JCAD: variants seen among roughly 807,000 people sequenced by gnomAD.
JCAD encodes junctional cadherin 5-associated protein.
In JCAD, 40 loss-of-function variants were observed where a neutral mutation model predicts 98.0. The ratio of observed to expected loss-of-function variants is 0.41; its 90% CI spans 0.32 to 0.53. The LOEUF (loss-of-function observed/expected upper bound fraction) is 0.53, where lower values mean the gene tolerates loss of function less well. Ranked by LOEUF, JCAD falls within the 20% of genes least tolerant of loss-of-function variation. The pLI, the probability that JCAD is intolerant of heterozygous loss-of-function variation, is 0.31. For synonymous variants in JCAD, 691 were observed against 682.3 expected (o/e 1.01, Z -0.20); for missense variants, 1,705 against 1,738.1 (o/e 0.98, Z 0.34).
At chr10:30,097,441 A>G (rs1838389439) in intron 1 of JCAD, among the ~76,000 whole-genome samples, 1 of 152,148 alleles carries the variant, frequency 6.6e-6, no homozygotes, top group Non-Finnish European at 1.5e-5. Flanking sequence ...AGCATATCAG[A>G]TGCATCCAAT....
At chr10:30,039,610 CG>C (rs1837201199) in intron 2 of JCAD, among the ~76,000 whole-genome samples, 1 of 152,212 alleles carries the variant, frequency 6.6e-6, no homozygotes, top group Non-Finnish European at 1.5e-5. Context: ...CTTGGGGAGC[CG>C]GATGAACCTG....
chr10:30,028,101 C>T lies in JCAD; in HGVS notation c.2047G>A (p.Gly683Arg), dbSNP rs1290561085. ...RELKHSGSWP[G>R]HRYRDQQTQT... ...GTTTGCTGATCTCTGTACCGGTGCC[C>T]TGGCCAAGAGCCAGAATGCTTGAGT... is the stretch of plus-strand genomic sequence containing the variant. Residue 683 changes from glycine (G) to arginine (R), a missense_variant, in exon 3 of 4, where the codon GGG becomes AGG. Gly to Arg is a moderately radical substitution (Grantham distance 125). Transcript: ENST00000375377. 1.2e-6 allele frequency: 2 copies of T among 1,614,260 alleles called. No homozygotes were observed. Among genetic ancestry groups the T allele is most frequent in the South Asian group, 1.1e-5 (1 of 91,086 alleles).
intron 1 of JCAD, among the ~76,000 whole-genome samples, chr10:30,096,977 G>A (rs1055940794): frequency 7.2e-5 from 11 of 152,178 alleles, no homozygotes; most frequent in African/African-American, 2.4e-4. Flanking sequence ...AAGCTTAGCA[G>A]AATAAGAAAG....
chr10:30,106,205 T>G (rs1838577264), intron 1 of JCAD, among the ~76,000 whole-genome samples: 1 of 152,114 alleles, frequency 6.6e-6, no homozygotes, highest in Admixed American at 6.5e-5. Context: ...GGAGGATCAC[T>G]TGATGCCGGG....
At chr10:30,103,733 C>CT (rs3858238) in intron 1 of JCAD, among the ~76,000 whole-genome samples, 34,940 of 126,664 alleles carry the variant, frequency 0.28, 5,136 homozygotes, top group East Asian at 0.33. Context: ...GTCAATTTTT[C>CT]TTTTTTTTTT....
intron 3 of JCAD, among the ~76,000 whole-genome samples, chr10:30,018,611 C>T (rs995868968): frequency 1.3e-5 from 2 of 152,168 alleles, no homozygotes; most frequent in Non-Finnish European, 2.9e-5. Context: ...ATTTCTAAAA[C>T]GGGACACCAT....
intron 1 of JCAD, among the ~76,000 whole-genome samples, chr10:30,079,902 G>A (rs1838051069): frequency 6.6e-6 from 1 of 152,180 alleles, no homozygotes; most frequent in African/African-American, 2.4e-5. Flanking sequence ...TTTTACAATT[G>A]TTCCTAATCA....
intron 1 of JCAD, among the ~76,000 whole-genome samples, chr10:30,057,183 A>G (rs1178707257): frequency 2.6e-5 from 4 of 152,216 alleles, no homozygotes; most frequent in Non-Finnish European, 5.9e-5. Context: ...ATTAATTAGC[A>G]TGGAGTTTCG....
intron 1 of JCAD, among the ~76,000 whole-genome samples, chr10:30,108,120 C>T (rs979352387): frequency 3.3e-5 from 5 of 152,030 alleles, no homozygotes; most frequent in Non-Finnish European, 7.4e-5. Context: ...TGAGACCCGC[C>T]TGGCCAACAT....
chr10:30,082,875 A>AC, intron 1 of JCAD, among the ~76,000 whole-genome samples: 1 of 146,088 alleles, frequency 6.8e-6, no homozygotes. Context: ...AAAAAAAAAA[A>AC]AACAAAAAAT....
At chr10:30,099,406 T>A (rs1206342814) in intron 1 of JCAD, among the ~76,000 whole-genome samples, 1 of 152,166 alleles carries the variant, frequency 6.6e-6, no homozygotes, top group Admixed American at 6.6e-5. Flanking sequence ...GAGTTTCTTA[T>A]CTAGTTAAAT....
chr10:30,019,121 C>T (rs961540716), intron 3 of JCAD, among the ~76,000 whole-genome samples: 1 of 151,806 alleles, frequency 6.6e-6, no homozygotes, highest in Non-Finnish European at 1.5e-5. Context: ...TTTGGGAGGC[C>T]GAGGCAGGTG....
chr10:30,062,088 G>A (rs1307841224), upstream of JCAD, among the ~76,000 whole-genome samples: 1 of 152,208 alleles, frequency 6.6e-6, no homozygotes, highest in Admixed American at 6.5e-5. Context: ...GAGTAGGGTT[G>A]CAGTAAATCA....
intron 1 of JCAD, among the ~76,000 whole-genome samples, chr10:30,104,440 C>T (rs1272417433): frequency 7.9e-5 from 12 of 152,254 alleles, no homozygotes; most frequent in African/African-American, 2.4e-4. Flanking sequence ...ATGGATGCAG[C>T]GGAAGGTCAT....
intron 2 of JCAD, among the ~76,000 whole-genome samples, chr10:30,040,701 A>AG (rs768311759): frequency 5.3e-5 from 8 of 152,130 alleles, no homozygotes; most frequent in Non-Finnish European, 8.8e-5. Flanking sequence ...ATGACACCCT[A>AG]GGGAGGCCGC....
intron 3 of JCAD, among the ~76,000 whole-genome samples, chr10:30,023,540 C>T (rs963634406): frequency 6.6e-6 from 1 of 152,150 alleles, no homozygotes; most frequent in Non-Finnish European, 1.5e-5. Flanking sequence ...AATGACAAAA[C>T]TGCTAATGAT....
chr10:30,060,975 T>C (rs986116446), upstream of JCAD, among the ~76,000 whole-genome samples: 3 of 152,168 alleles, frequency 2.0e-5, no homozygotes, highest in African/African-American at 7.2e-5. Context: ...AACAATGTAA[T>C]TGAATGTTGT....
intron 1 of JCAD, among the ~76,000 whole-genome samples, chr10:30,077,677 TA>T (rs1463099280): frequency 6.6e-6 from 1 of 152,212 alleles, no homozygotes; most frequent in Non-Finnish European, 1.5e-5. Flanking sequence ...TATCATATAA[TA>T]TTTCTCATTT....
intron 1 of JCAD, among the ~76,000 whole-genome samples, chr10:30,108,542 A>T (rs541409905): frequency 6.6e-6 from 1 of 151,624 alleles, no homozygotes; most frequent in Non-Finnish European, 1.5e-5. Flanking sequence ...GGGGCTTATA[A>T]GGAGAAGATA....
Sources: allele counts gnomAD v4.1 joint callset (sites outside exome capture counted in the v4.1 genomes callset), GRCh38; gene constraint gnomAD v4.1.1; transcripts MANE v1.5; gene names NCBI Gene and HGNC (gene_info 2026-07-23, HGNC 2026-07-21).